Variants in GRAMD1B observed in about 807,000 individuals in gnomAD.
GRAMD1B encodes the protein GRAM domain containing 1B, also known as protein Aster-B.
A neutral mutation model predicts 99.7 loss-of-function variants in GRAMD1B; 37 were observed. The ratio of observed to expected loss-of-function variants is 0.37; its 90% confidence interval spans 0.29 to 0.49. The LOEUF is 0.49. Ranked by LOEUF, GRAMD1B falls within the 20% of genes least tolerant of loss-of-function variation. The pLI is 0.98. For synonymous variants in GRAMD1B, 427 were observed against 387.6 expected (o/e 1.10, Z -1.19); for missense variants, 888 against 1,009.2 (o/e 0.88, Z 1.63).
At chr11:123,381,493 G>A (rs1171136995) in intron 1 of GRAMD1B, 1 of 154,202 alleles carries the variant, frequency 6.5e-6, no homozygotes, top group Non-Finnish European at 1.5e-5. Flanking sequence ...ATAATCACCG[G>A]AAGGCCTTCC....
intron 1 of GRAMD1B, among the ~76,000 whole-genome samples, chr11:123,369,342 A>G (rs1425761414): frequency 6.6e-6 from 1 of 152,134 alleles, no homozygotes; most frequent in African/African-American, 2.4e-5. Flanking sequence ...GTTTATCAAT[A>G]CATAAGAAAT....
At chr11:123,365,519 T>C (rs1353160007) in intron 1 of GRAMD1B, among the ~76,000 whole-genome samples, 1 of 152,250 alleles carries the variant, frequency 6.6e-6, no homozygotes, top group Admixed American at 6.5e-5. Flanking sequence ...CCCAAAGTGT[T>C]GGGATTACAG....
chr11:123,556,221 C>T (rs921915141), intron 2 of GRAMD1B, among the ~76,000 whole-genome samples: 3 of 152,304 alleles, frequency 2.0e-5, no homozygotes, highest in Middle Eastern at 3.4e-3. Flanking sequence ...CAATGAGATT[C>T]GCTTTTGCCT....
intron 1 of GRAMD1B, among the ~76,000 whole-genome samples, chr11:123,394,814 G>A (rs2135877952): frequency 6.6e-6 from 1 of 152,292 alleles, no homozygotes; most frequent in South Asian, 2.1e-4. Flanking sequence ...TTTAGTGTTT[G>A]GTAAGGGCTT....
intron 1 of GRAMD1B, among the ~76,000 whole-genome samples, chr11:123,460,813 G>T (rs969792353): frequency 6.6e-6 from 1 of 152,056 alleles, no homozygotes; most frequent in Non-Finnish European, 1.5e-5. Flanking sequence ...TCACTAGAGC[G>T]GTTGGTCTTT....
At chr11:123,461,931 G>GT (rs368408422) in intron 1 of GRAMD1B, among the ~76,000 whole-genome samples, 22,935 of 135,654 alleles carry the variant, frequency 0.17, 2,135 homozygotes, top group Non-Finnish European at 0.23. Context: ...TCAAGTGCAG[G>GT]TTTTTTTTTT....
At chr11:123,599,674 T>C (rs576978259) in intron 7 of GRAMD1B, among the ~76,000 whole-genome samples, 27 of 152,356 alleles carry the variant, frequency 1.8e-4, no homozygotes, top group African/African-American at 5.5e-4. Context: ...GGTTTCGCCA[T>C]GTTGGCCAGG....
intron 2 of GRAMD1B, among the ~76,000 whole-genome samples, chr11:123,538,209 G>C (rs148873781): frequency 3.9e-5 from 6 of 152,000 alleles, no homozygotes; most frequent in Admixed American, 3.3e-4. Flanking sequence ...TTTATACTGG[G>C]AGCTTTTGCA....
At chr11:123,614,617 G>A (rs1008787959) in intron 16 of GRAMD1B, 128 bp from the exon 17 acceptor site, 11 of 587,976 alleles carry the variant, frequency 1.9e-5, no homozygotes, top group African/African-American at 1.1e-4. Context: ...TCCGCATATC[G>A]TTGCTGTCAC....
intron 14 of GRAMD1B, among the ~76,000 whole-genome samples, chr11:123,612,356 G>C (rs2136990336): frequency 1.3e-5 from 2 of 152,346 alleles, no homozygotes; most frequent in East Asian, 3.9e-4. Flanking sequence ...GAATGACCCT[G>C]ATGAAAGGAT....
chr11:123,521,682 G>C (rs955257460), intron 2 of GRAMD1B, among the ~76,000 whole-genome samples: 10 of 152,174 alleles, frequency 6.6e-5, no homozygotes, highest in African/African-American at 1.9e-4. Flanking sequence ...TCAACATCAA[G>C]GTTTAGGACA....
intron 6 of GRAMD1B, among the ~76,000 whole-genome samples, 180 bp downstream of exon 6, chr11:123,595,018 A>T (rs536668886): frequency 1.7e-3 from 253 of 152,274 alleles, no homozygotes; most frequent in African/African-American, 5.5e-3. Flanking sequence ...CTCCTCTGCC[A>T]TGTCTTCCCC....
chr11:123,606,708 A>T lies in GRAMD1B; in HGVS notation c.1423A>T (p.Ile475Phe), dbSNP rs1279173737. ...DNIMGEKIEM[I>F]APVNSPSLDF... ...CATCATGGGGGAGAAGATTGAGATG[A>T]TCGCTCCTGTGAACTCCCCTTCACT... The change falls in exon 11 of 20, where the codon ATC (isoleucine) becomes TTC (phenylalanine). Residue 475 changes from isoleucine (I) to phenylalanine (F), a missense_variant. Ile to Phe is a conservative substitution (Grantham distance 21). Around this residue, in one of 5 missense-constraint regions of GRAMD1B, gnomAD observed 269 missense variants for 296.6 expected, o/e 0.91. Coordinates refer to ENST00000635736, the MANE Select transcript of GRAMD1B (RefSeq NM_001387025.1). The T allele has an allele frequency of 6.2e-7, 1 of 1,613,586 alleles. No homozygotes were observed. The highest frequency in any genetic ancestry group is 8.5e-7 in the Non-Finnish European group (1 of 1,179,714).
Position 123,527,491 on chromosome 11 carries a change from C to T in GRAMD1B, c.452+46598C>T, listed in dbSNP as rs536815687. ...TGATGAACATCAGTTATCCCCCAGC[C>T]GGGAGTTTCTTTTCCTCAAGCTTTG... On this transcript the variant is annotated intron_variant, in intron 2 of 19. Coordinates refer to ENST00000635736, the MANE Select transcript of GRAMD1B (RefSeq NM_001387025.1). Among the ~76,000 whole-genome samples, 13 of 152,248 alleles carry T rather than the reference C, an allele frequency of 8.5e-5. No individual in the cohort carries two copies. In the East Asian group the frequency reaches 2.5e-3, roughly 29 times the overall value.
intron 1 of GRAMD1B, among the ~76,000 whole-genome samples, chr11:123,386,969 G>C (rs1166185476): frequency 6.6e-6 from 1 of 152,194 alleles, no homozygotes; most frequent in Non-Finnish European, 1.5e-5. Context: ...AAACAGGAAG[G>C]AATGCCTAGT....
chr11:123,549,559 T>C (rs1945411972), intron 2 of GRAMD1B, among the ~76,000 whole-genome samples: 2 of 151,650 alleles, frequency 1.3e-5, no homozygotes, highest in African/African-American at 4.8e-5. Flanking sequence ...AAAGAATGAT[T>C]GTGGACCTTT....
intron 1 of GRAMD1B, among the ~76,000 whole-genome samples, chr11:123,391,658 G>C (rs1277738164): frequency 6.6e-6 from 1 of 152,190 alleles, no homozygotes; most frequent in Non-Finnish European, 1.5e-5. Flanking sequence ...GTTTCACCAT[G>C]TTGGTCAGGC....
chr11:123,415,095 C>CTTTTTTTTTTTTTTTTTTTTTTTTTTTTT (rs1175202539), intron 1 of GRAMD1B, among the ~76,000 whole-genome samples: 1 of 75,816 alleles, frequency 1.3e-5, no homozygotes, highest in Non-Finnish European at 2.4e-5. Context: ...CTTTTTCTTT[C>CTTTTTTTTTTTTTTTTTTTTTTTTTTTTT]TTTTTTTTTT....
At position 123,617,288 on chromosome 11, in the gene GRAMD1B, A is replaced by G. The variant is rs530288403; in HGVS notation, c.2319-1405A>G. 4.2e-4 allele frequency among the ~76,000 whole-genome samples: 64 copies of G among 150,824 alleles called. No homozygotes were observed. The South Asian group carries it at 0.013, about 30-fold the overall frequency. On this transcript the variant is annotated intron_variant, in intron 17 of 19. Coordinates refer to ENST00000635736, the MANE Select transcript of GRAMD1B (RefSeq NM_001387025.1). ...AACTTCCCCTTCCCGGGCTCAAGCA[A>G]TCCTCCTGCCTCAGCTTCCCTAGTA...
Sources: allele counts gnomAD v4.1 joint callset (sites outside exome capture counted in the v4.1 genomes callset), GRCh38; gene constraint gnomAD v4.1.1; regional missense constraint gnomAD v4.1.1; transcripts MANE v1.5; gene names NCBI Gene and HGNC (gene_info 2026-07-23, HGNC 2026-07-21).